Variants in ARFGEF1 observed in about 807,000 individuals in gnomAD.
ARFGEF1 encodes ARF guanine nucleotide exchange factor 1.
ARFGEF1 carries 42 observed loss-of-function variants against 231.0 expected under a neutral mutation model. That is an observed-to-expected ratio of 0.18 (90% confidence interval 0.14 to 0.24). The LOEUF (loss-of-function observed/expected upper bound fraction) is 0.24, where lower values mean the gene tolerates loss of function less well. Among genes scored for constraint, ARFGEF1 ranks in the 10% least tolerant of loss-of-function variants. ARFGEF1 has a pLI of 1.00. For missense variants in ARFGEF1, 1,345 were observed against 2,192.0 expected (o/e 0.61, Z 7.72); for synonymous variants, 710 against 732.3 (o/e 0.97, Z 0.49).
rs377588679 is a variant in ARFGEF1 at position 67,177,311 on chromosome 8, A to G, written c.561-1739T>C. The stretch of plus-strand genomic sequence containing the variant: ...CTCTGGAACTAAGTGCCTGGAATTG[A>G]GCTTATTTCAGTTCCATGTGAGGGA... On this transcript the variant is annotated intron_variant, in intron 5 of 5. Coordinates refer to the ARFGEF1 transcript ENST00000518789. Among the ~76,000 whole-genome samples the G allele has an allele frequency of 3.5e-4, 53 of 152,252 alleles. No individual in the cohort carries two copies. The East Asian group carries it at 3.7e-3, about 11-fold the overall frequency.
At chr8:67,207,719 G>A (rs1193655137) in intron 34 of ARFGEF1, among the ~76,000 whole-genome samples, 1 of 152,192 alleles carries the variant, frequency 6.6e-6, no homozygotes, top group African/African-American at 2.4e-5. Context: ...AGAGTCAGAT[G>A]CAGCGGCCTC....
intron 10 of ARFGEF1, among the ~76,000 whole-genome samples, chr8:67,268,675 T>C (rs1427894246): frequency 6.6e-6 from 1 of 152,212 alleles, no homozygotes; most frequent in Non-Finnish European, 1.5e-5. Context: ...AGAAGCTGTG[T>C]GCAGTTTCTA....
At chr8:67,186,970 C>CT (rs372090597) in intron 5 of ARFGEF1, among the ~76,000 whole-genome samples, 25 of 149,870 alleles carry the variant, frequency 1.7e-4, no homozygotes, top group East Asian at 6.0e-4. Flanking sequence ...ATCTATCTAT[C>CT]ATCTATCTAT....
rs78915192 is a variant in ARFGEF1 at position 67,306,840 on chromosome 8, C to T, written c.125-4374G>A. Among the ~76,000 whole-genome samples the T allele has an allele frequency of 3.5e-4, 53 of 152,286 alleles. No individual in the cohort carries two copies. The East Asian group carries it at 4.8e-3, about 14-fold the overall frequency. ...TTGCCCAGGCTGAAGTGCAGTGGTG[C>T]GATCTCAGCTTGCTGCAACCTCCTC... On this transcript the variant is annotated intron_variant, in intron 1 of 38. Coordinates refer to ENST00000262215, the MANE Select transcript of ARFGEF1 (RefSeq NM_006421.5).
chr8:67,266,236 T>C, intron 13 of ARFGEF1, 29 bp from the exon 14 acceptor site: 1 of 1,568,322 alleles, frequency 6.4e-7, no homozygotes, highest in South Asian at 1.1e-5. Flanking sequence ...ATAGAGTACA[T>C]TATTCTATCA....
intron 22 of ARFGEF1, among the ~76,000 whole-genome samples, chr8:67,235,649 T>G (rs1490057967): frequency 6.6e-6 from 1 of 151,998 alleles, no homozygotes; most frequent in African/African-American, 2.4e-5. Flanking sequence ...GGCAACATAC[T>G]GAAATAGGAA....
intron 1 of ARFGEF1, among the ~76,000 whole-genome samples, chr8:67,333,802 G>C (rs534193057): frequency 6.6e-6 from 1 of 152,250 alleles, no homozygotes; most frequent in South Asian, 2.1e-4. Flanking sequence ...ATGGGTCACA[G>C]TCAAAACACA....
At chr8:67,323,133 T>C (rs1807671500) in intron 1 of ARFGEF1, among the ~76,000 whole-genome samples, 1 of 151,762 alleles carries the variant, frequency 6.6e-6, no homozygotes, top group Non-Finnish European at 1.5e-5. Flanking sequence ...AAGCCTGTAA[T>C]CCCAGCTACT....
chr8:67,187,334 C>T (rs1003789739), intron 5 of ARFGEF1, among the ~76,000 whole-genome samples: 8 of 152,156 alleles, frequency 5.3e-5, no homozygotes, highest in African/African-American at 1.7e-4. Flanking sequence ...TTATAATAAA[C>T]AAGACAGTGT....
At chr8:67,219,590 G>A (rs904193606) in intron 29 of ARFGEF1, 30 bp from the exon 30 acceptor site, 1 of 1,556,886 alleles carries the variant, frequency 6.4e-7, no homozygotes, top group African/African-American at 1.4e-5. Flanking sequence ...TTAGAAAGCT[G>A]TAATACAAAA....
At position 67,292,106 on chromosome 8, in the gene ARFGEF1, T is replaced by C. The variant is rs778766306; in HGVS notation, c.657A>G (p.Gln219=). 2.8e-5 allele frequency: 45 copies of C among 1,611,676 alleles called. No individual in the cohort carries two copies. The highest frequency in any genetic ancestry group is 1.6e-4 in the Middle Eastern group (1 of 6,070). The change falls in exon 6 of 39, where the codon CAA becomes CAG. Residue 219 remains glutamine, a synonymous_variant. Coordinates refer to ENST00000262215, the MANE Select transcript of ARFGEF1 (RefSeq NM_006421.5). ...GCTGCCGATGCCTTTCTTTTTCCAT[T>C]TGTTTTGCTTCCTGTAACTGGAAAT... ...MENQALQEAK[Q]MEKERHRQHH...
intron 10 of ARFGEF1, among the ~76,000 whole-genome samples, chr8:67,268,012 A>G (rs1468021718): frequency 6.6e-6 from 1 of 152,236 alleles, no homozygotes; most frequent in Non-Finnish European, 1.5e-5. Flanking sequence ...CAAATAATCA[A>G]GCAGTGAGTT....
chr8:67,301,480 G>T (rs950452767), intron 2 of ARFGEF1, 100 bp from the exon 3 acceptor site: 4 of 1,279,752 alleles, frequency 3.1e-6, no homozygotes, highest in Non-Finnish European at 4.3e-6. Flanking sequence ...AAGGAATCTT[G>T]CTAAACCAGT....
chr8:67,191,080 C>G (rs1305782192), intron 5 of ARFGEF1, among the ~76,000 whole-genome samples: 5 of 152,200 alleles, frequency 3.3e-5, no homozygotes, highest in African/African-American at 1.2e-4. Flanking sequence ...TATTGAAAAG[C>G]TTCATAATAA....
intron 5 of ARFGEF1, among the ~76,000 whole-genome samples, chr8:67,191,988 T>C (rs1343120794): frequency 6.6e-6 from 1 of 152,196 alleles, no homozygotes; most frequent in East Asian, 1.9e-4. Context: ...TGTAATGATA[T>C]TGAACATCTT....
chr8:67,200,568 T>G, intron 37 of ARFGEF1, 55 bp from the exon 38 acceptor site: 1 of 1,084,578 alleles, frequency 9.2e-7, no homozygotes, highest in Non-Finnish European at 1.4e-6. Context: ...GGTCCCCATA[T>G]TCACCGAGAA....
chr8:67,250,884 T>G (rs1228891654), intron 19 of ARFGEF1, among the ~76,000 whole-genome samples: 4 of 152,220 alleles, frequency 2.6e-5, no homozygotes, highest in African/African-American at 9.6e-5. Context: ...CTTACCCTAC[T>G]TTCTGGGCCC....
intron 1 of ARFGEF1, among the ~76,000 whole-genome samples, chr8:67,306,499 A>G (rs764724464): frequency 3.3e-5 from 5 of 152,150 alleles, no homozygotes; most frequent in African/African-American, 4.8e-5. Context: ...TGATCTCCTA[A>G]GTATATTAAA....
rs757207098 is a variant in ARFGEF1, at chr8:67,296,481, T to C, written c.589A>G (p.Thr197Ala). 3 of 1,614,010 alleles carry C rather than the reference T, an allele frequency of 1.9e-6. No homozygotes were observed. The highest frequency in any genetic ancestry group is 4.5e-5 in the East Asian group (2 of 44,844). Residue 197 changes from threonine to alanine, a missense_variant, in exon 5 of 39, where the codon ACT becomes GCT. Physicochemically the swap from Thr to Ala is moderately conservative, Grantham distance 58. Coordinates refer to ENST00000262215, the MANE Select transcript of ARFGEF1 (RefSeq NM_006421.5). Reference protein sequence around the residue: ...NLINQTTAKATLTQMLNVIFA... With the variant: ...NLINQTTAKAALTQMLNVIFA... ...ATAACATTTAGCATCTGAGTGAGAG[T>C]AGCTTTGGCTGTTGTCTGATTGATG...
Sources: allele counts gnomAD v4.1 joint callset (sites outside exome capture counted in the v4.1 genomes callset), GRCh38; gene constraint gnomAD v4.1.1; transcripts MANE v1.5; gene names NCBI Gene and HGNC (gene_info 2026-07-23, HGNC 2026-07-21).